CTNNA2: variants seen among roughly 807,000 people sequenced by gnomAD.
CTNNA2 encodes catenin alpha 2, also known as catenin alpha-2.
CTNNA2 carries 42 observed loss-of-function variants against 101.0 expected under a neutral mutation model. That is an observed-to-expected ratio of 0.42 (90% CI 0.32 to 0.54). The LOEUF (loss-of-function observed/expected upper bound fraction) is 0.54. Ranked by LOEUF, CTNNA2 falls within the 20% of genes least tolerant of loss-of-function variation. The probability of loss-of-function intolerance (pLI) is 0.14; values close to 1 mark genes in which losing one functional copy is unlikely to be tolerated. For synonymous variants in CTNNA2, 450 were observed against 456.4 expected, an observed-to-expected ratio of 0.99 and a Z score of 0.18; for missense variants, 871 against 1,223.1, an observed-to-expected ratio of 0.71 and a Z score of 4.29.
chr2:79,714,187 A>C (rs2104824386), intron 2 of CTNNA2, among the ~76,000 whole-genome samples: 1 of 152,320 alleles, frequency 6.6e-6, no homozygotes, highest in South Asian at 2.1e-4. Context: ...CCTTCAAGAC[A>C]GTCCATGCAA....
At chr2:80,117,230 A>T (rs1302871636) in intron 7 of CTNNA2, among the ~76,000 whole-genome samples, 1 of 152,118 alleles carries the variant, frequency 6.6e-6, no homozygotes, top group Non-Finnish European at 1.5e-5. Flanking sequence ...AGAGAAGAAA[A>T]TAGAAAACAA....
chr2:80,475,528 AAT>A (rs774362725), intron 9 of CTNNA2, among the ~76,000 whole-genome samples: 3 of 152,174 alleles, frequency 2.0e-5, no homozygotes, highest in Non-Finnish European at 4.4e-5. Flanking sequence ...ATGAGATATA[AAT>A]ATCCCTTGTG....
chr2:79,306,307 A>G (rs1573059132), intron 2 of CTNNA2, among the ~76,000 whole-genome samples: 2 of 152,298 alleles, frequency 1.3e-5, no homozygotes, highest in East Asian at 1.9e-4. Flanking sequence ...CATGACAACT[A>G]CAGTTAAGAA....
intron 7 of CTNNA2, among the ~76,000 whole-genome samples, chr2:80,079,533 G>A (rs973882494): frequency 2.6e-5 from 4 of 152,178 alleles, no homozygotes; most frequent in Admixed American, 6.5e-5. Context: ...AAATGAGTCC[G>A]GCTGGGCGCA....
chr2:80,355,258 G>C (rs1054099091), intron 7 of CTNNA2, among the ~76,000 whole-genome samples: 1 of 152,088 alleles, frequency 6.6e-6, no homozygotes, highest in African/African-American at 2.4e-5. Flanking sequence ...ACTCTCCTCC[G>C]GCTAGGAGAA....
intron 7 of CTNNA2, among the ~76,000 whole-genome samples, chr2:80,031,720 G>A (rs1276362187): frequency 6.6e-6 from 1 of 152,118 alleles, no homozygotes; most frequent in Non-Finnish European, 1.5e-5. Context: ...ATTTTACAGT[G>A]AAAACATATA....
At chr2:80,406,380 A>C (rs1323667291) in intron 8 of CTNNA2, among the ~76,000 whole-genome samples, 1 of 151,760 alleles carries the variant, frequency 6.6e-6, no homozygotes, top group African/African-American at 2.4e-5. Flanking sequence ...GGGAAACCAG[A>C]AAAATGGGAG....
At chr2:79,642,277 T>C (rs1680499310) in intron 1 of CTNNA2, among the ~76,000 whole-genome samples, 1 of 152,210 alleles carries the variant, frequency 6.6e-6, no homozygotes, top group Non-Finnish European at 1.5e-5. Context: ...AATATTGTAA[T>C]ATTTGAGGAA....
In CTNNA2 at chr2:80,624,509, C is replaced by T. The variant is rs1025922496; in HGVS notation, c.2574+5281C>T. On this transcript the variant is annotated intron_variant, in intron 18 of 18. Coordinates refer to ENST00000402739, the MANE Select transcript of CTNNA2 (RefSeq NM_001282597.3). ...AGGGAGATACTAGAAAGGAATTTTA[C>T]ATTTTACTGAGACATGAAAATGAGC... Among the ~76,000 whole-genome samples, 15 of 151,890 alleles carry T rather than the reference C, an allele frequency of 9.9e-5. No homozygotes were observed. In the South Asian group the frequency reaches 1.0e-3, roughly 11 times the overall value.
At chr2:80,402,909 T>C (rs770719331) in intron 8 of CTNNA2, among the ~76,000 whole-genome samples, 1 of 151,668 alleles carries the variant, frequency 6.6e-6, no homozygotes, top group Non-Finnish European at 1.5e-5. Flanking sequence ...CTTCTTATTG[T>C]AGGGCTTGGA....
intron 1 of CTNNA2, among the ~76,000 whole-genome samples, chr2:79,610,769 A>G (rs1259979221): frequency 6.6e-6 from 1 of 152,150 alleles, no homozygotes; most frequent in African/African-American, 2.4e-5. Flanking sequence ...CTTTGAGGGT[A>G]GTGTGCATTA....
At chr2:79,351,939 T>C (rs1188133659) in intron 3 of CTNNA2, among the ~76,000 whole-genome samples, 1 of 152,152 alleles carries the variant, frequency 6.6e-6, no homozygotes, top group East Asian at 1.9e-4. Flanking sequence ...TATTTTCCTT[T>C]GGTATGAGAT....
chr2:80,574,439 T>C, intron 13 of CTNNA2, 125 bp downstream of exon 13: 1 of 1,164,164 alleles, frequency 8.6e-7, no homozygotes. Flanking sequence ...TTTGGCTCCT[T>C]ATTAGTCAGA....
intron 8 of CTNNA2, among the ~76,000 whole-genome samples, chr2:80,401,708 C>T (rs888167887): frequency 6.6e-6 from 1 of 152,082 alleles, no homozygotes; most frequent in Non-Finnish European, 1.5e-5. Context: ...TCTGCAATCT[C>T]CTTGGCCTCT....
At chr2:79,700,189 G>T (rs1256303959) in intron 2 of CTNNA2, among the ~76,000 whole-genome samples, 1 of 151,990 alleles carries the variant, frequency 6.6e-6, no homozygotes, top group Non-Finnish European at 1.5e-5. Flanking sequence ...AGCTGGTTAT[G>T]AATATAACAT....
chr2:79,948,950 A>G (rs1337788412), intron 7 of CTNNA2, among the ~76,000 whole-genome samples: 1 of 152,174 alleles, frequency 6.6e-6, no homozygotes, highest in Non-Finnish European at 1.5e-5. Context: ...CCTGGGCGAC[A>G]GAGCCAGACT....
At chr2:80,380,226 C>CGG (rs1208473260) in intron 7 of CTNNA2, among the ~76,000 whole-genome samples, 1 of 151,790 alleles carries the variant, frequency 6.6e-6, no homozygotes, top group Admixed American at 6.6e-5. Flanking sequence ...TTGGTAGAGA[C>CGG]GGGGTTTCAC....
chr2:79,427,952 A>T (rs1261461328), intron 4 of CTNNA2, among the ~76,000 whole-genome samples: 3 of 152,154 alleles, frequency 2.0e-5, no homozygotes, highest in African/African-American at 7.2e-5. Context: ...AGAATAGGAC[A>T]GTTCTACATC....
chr2:80,379,285 G>A (rs552600723), intron 7 of CTNNA2, among the ~76,000 whole-genome samples: 40 of 152,168 alleles, frequency 2.6e-4, no homozygotes, highest in Non-Finnish European at 4.7e-4. Context: ...TTTGTCCATC[G>A]TCTCAGCTAA....
Sources: gnomAD v4.1 joint callset for allele counts (sites outside exome capture counted in the v4.1 genomes callset) on GRCh38, gnomAD v4.1.1 for gene constraint, MANE v1.5 for transcripts, NCBI Gene and HGNC (gene_info 2026-07-23, HGNC 2026-07-21) for gene names.